Variants in C14orf132 observed in about 807,000 individuals in gnomAD.
The protein encoded by C14orf132 is chromosome 14 open reading frame 132, also known as uncharacterized protein C14orf132.
In C14orf132, 6 loss-of-function variants were observed where a neutral mutation model predicts 5.8. The ratio of observed to expected loss-of-function variants is 1.03; its 90% CI spans 0.57 to 2.04. The LOEUF (loss-of-function observed/expected upper bound fraction) is 2.04. Ranked by LOEUF, C14orf132 falls within the 30% of genes most tolerant of loss-of-function variation. C14orf132 has a pLI of 0.00. For missense variants in C14orf132, 125 were observed against 115.8 expected, an observed-to-expected ratio of 1.08 and a Z score of -0.37; for synonymous variants, 51 against 49.8, an observed-to-expected ratio of 1.02 and a Z score of -0.10.
intron 1 of C14orf132, among the ~76,000 whole-genome samples, chr14:96,063,465 C>T (rs1224749372): frequency 1.3e-5 from 2 of 152,072 alleles, no homozygotes; most frequent in East Asian, 1.9e-4. Context: ...AACGCCACCA[C>T]GTCGGGCTAA....
intron 1 of C14orf132, among the ~76,000 whole-genome samples, chr14:96,065,529 T>TA (rs1480526646): frequency 2.0e-5 from 3 of 152,120 alleles, no homozygotes; most frequent in Admixed American, 6.5e-5. Context: ...GTTTCACTTT[T>TA]ATTCCTTTTG....
chr14:96,062,436 T>G (rs1887386186), intron 1 of C14orf132, among the ~76,000 whole-genome samples: 3 of 152,112 alleles, frequency 2.0e-5, no homozygotes, highest in African/African-American at 4.8e-5. Context: ...GACCAATGGA[T>G]CTTCGTGTTT....
chr14:96,043,381 A>G (rs1221322785), intron 1 of C14orf132, among the ~76,000 whole-genome samples: 1 of 152,184 alleles, frequency 6.6e-6, no homozygotes, highest in Admixed American at 6.5e-5. Context: ...TGGGATGGAC[A>G]ACAGAGACAG....
Position 96,093,355 on chromosome 14 carries a change from T to A in C14orf132, c.*6620T>A, listed in dbSNP as rs1888477791. The A allele has an allele frequency of 6.6e-6, 1 of 152,078 alleles. No individual in the cohort carries two copies. 9.4% of individuals were successfully genotyped at this position (152,078 alleles called of 1,614,324 possible). On this transcript the variant is annotated 3_prime_UTR_variant, in exon 2 of 2. Transcript: ENST00000555004. ...GCCCCTCACCAATGCATATGAAGAG[T>A]ATGCTTGGGGAAGAGCTTAGGAATG... is the stretch of plus-strand genomic sequence containing the variant.
chr14:96,077,465 T>A (rs1247678996), intron 1 of C14orf132, among the ~76,000 whole-genome samples: 1 of 152,176 alleles, frequency 6.6e-6, no homozygotes, highest in Non-Finnish European at 1.5e-5. Flanking sequence ...ATGATTGGCA[T>A]CCTTATAAGA....
chr14:96,051,665 C>G (rs535754381), intron 1 of C14orf132, among the ~76,000 whole-genome samples: 1 of 152,294 alleles, frequency 6.6e-6, no homozygotes, highest in South Asian at 2.1e-4. Flanking sequence ...TCTTAGCAGC[C>G]CTTCCTGCAT....
intron 1 of C14orf132, among the ~76,000 whole-genome samples, chr14:96,074,443 A>G (rs906481411): frequency 6.6e-6 from 1 of 152,176 alleles, no homozygotes; most frequent in Non-Finnish European, 1.5e-5. Flanking sequence ...TGCCTACCAT[A>G]AGATTACAGA....
chr14:96,079,032 T>A (rs1368044299), intron 1 of C14orf132, among the ~76,000 whole-genome samples: 1 of 152,152 alleles, frequency 6.6e-6, no homozygotes, highest in African/African-American at 2.4e-5. Flanking sequence ...CCACATAAAA[T>A]AAACCAGACC....
chr14:96,045,380 G>A (rs554735185), intron 1 of C14orf132, among the ~76,000 whole-genome samples: 2 of 152,234 alleles, frequency 1.3e-5, no homozygotes, highest in South Asian at 2.1e-4. Context: ...AGGCAAGAAG[G>A]CTTGAAACAG....
intron 1 of C14orf132, among the ~76,000 whole-genome samples, chr14:96,047,112 G>T (rs1365542477): frequency 6.6e-6 from 1 of 152,114 alleles, no homozygotes; most frequent in Admixed American, 6.5e-5. Context: ...TGTTATCTTA[G>T]GGCTTGTCTG....
chr14:96,067,391 G>C (rs1887562968), intron 1 of C14orf132, among the ~76,000 whole-genome samples: 1 of 152,118 alleles, frequency 6.6e-6, no homozygotes, highest in South Asian at 2.1e-4. Context: ...TAGCACAGTG[G>C]TAAACTGCTT....
At chr14:96,051,414 G>C (rs1470463540) in intron 1 of C14orf132, among the ~76,000 whole-genome samples, 1 of 152,190 alleles carries the variant, frequency 6.6e-6, no homozygotes, top group Admixed American at 6.5e-5. Flanking sequence ...GAAATGCCGG[G>C]AGCAGGTTGC....
At chr14:96,074,070 G>A (rs2139673105) in intron 1 of C14orf132, among the ~76,000 whole-genome samples, 1 of 152,280 alleles carries the variant, frequency 6.6e-6, no homozygotes, top group East Asian at 1.9e-4. Flanking sequence ...ATAGCTAATG[G>A]AGGCCGGGCT....
At chr14:96,057,926 G>T (rs966912931) in intron 1 of C14orf132, among the ~76,000 whole-genome samples, 5 of 152,142 alleles carry the variant, frequency 3.3e-5, no homozygotes, top group African/African-American at 1.2e-4. Context: ...AGGTGCCATT[G>T]GTCCCTTGAG....
chr14:96,077,552 C>A lies in C14orf132; in HGVS notation c.28-8959C>A, dbSNP rs1411771049. On this transcript the variant is annotated intron_variant, in intron 1 of 1. Transcript: ENST00000555004. ...AGGGAGAAGGTGGCCACCTGCAAGC[C>A]AACGAGAGAGGCCTCAGAAGAAAAC... 2.0e-5 allele frequency among the ~76,000 whole-genome samples: 3 copies of A among 152,126 alleles called. No individual in the cohort carries two copies. In the East Asian group the frequency reaches 5.8e-4, roughly 29 times the overall value.
chr14:96,071,362 T>G (rs1887702024), intron 1 of C14orf132, among the ~76,000 whole-genome samples: 1 of 152,066 alleles, frequency 6.6e-6, no homozygotes, highest in South Asian at 2.1e-4. Flanking sequence ...GAGCTACAAT[T>G]CAAGATGAGA....
intron 1 of C14orf132, among the ~76,000 whole-genome samples, chr14:96,057,761 T>G (rs2139655003): frequency 6.6e-6 from 1 of 152,280 alleles, no homozygotes; most frequent in South Asian, 2.1e-4. Flanking sequence ...GTGGTGCTAG[T>G]AGACATCCTG....
intron 1 of C14orf132, among the ~76,000 whole-genome samples, chr14:96,072,847 T>C (rs1887752097): frequency 6.6e-6 from 1 of 152,212 alleles, no homozygotes; most frequent in Non-Finnish European, 1.5e-5. Context: ...TGGGATTATA[T>C]TGGGTGAATG....
chr14:96,065,485 T>C (rs1887504348), intron 1 of C14orf132, among the ~76,000 whole-genome samples: 1 of 152,126 alleles, frequency 6.6e-6, no homozygotes, highest in South Asian at 2.1e-4. Flanking sequence ...TTCACTCCAG[T>C]ATGCGTGTGC....
Sources: gnomAD v4.1 joint callset for allele counts (sites outside exome capture counted in the v4.1 genomes callset) on GRCh38, gnomAD v4.1.1 for gene constraint, MANE v1.5 for transcripts, NCBI Gene and HGNC (gene_info 2026-07-23, HGNC 2026-07-21) for gene names.